DPP6: variants seen among roughly 807,000 people sequenced by gnomAD.
DPP6 encodes the protein A-type potassium channel modulatory protein DPP6.
A neutral mutation model predicts 122.6 loss-of-function variants in DPP6; 69 were observed. The observed-to-expected ratio is 0.56, with a 90% confidence interval of 0.46 to 0.69. DPP6 has a LOEUF of 0.69. Among genes scored for constraint, DPP6 ranks in the 30% least tolerant of loss-of-function variants. The pLI is 0.00. For synonymous variants in DPP6, 418 were observed against 433.1 expected (o/e 0.97, Z 0.43); for missense variants, 928 against 1,116.9 (o/e 0.83, Z 2.41).
chr7:154,043,264 A>G (rs1799853375), intron 1 of DPP6, among the ~76,000 whole-genome samples: 1 of 151,808 alleles, frequency 6.6e-6, no homozygotes, highest in Non-Finnish European at 1.5e-5. Flanking sequence ...CTGGTGGCGC[A>G]TGCCTGTAAT....
chr7:154,557,281 T>G (rs1009391351), intron 4 of DPP6, among the ~76,000 whole-genome samples: 1 of 152,162 alleles, frequency 6.6e-6, no homozygotes, highest in Non-Finnish European at 1.5e-5. Flanking sequence ...GTGGTGAGTT[T>G]CTCAAAGAGA....
Position 154,403,973 on chromosome 7 carries a change from TA to T in DPP6, c.244-42239del, listed in dbSNP as rs1379577625. Among the ~76,000 whole-genome samples the T allele has an allele frequency of 1.3e-5, 2 of 152,248 alleles. No individual in the cohort carries two copies. Among genetic ancestry groups the T allele is most frequent in the Non-Finnish European group, 2.9e-5 (2 of 68,036 alleles). On this transcript the variant is annotated intron_variant, in intron 1 of 25. Coordinates refer to ENST00000377770, the MANE Select transcript of DPP6 (RefSeq NM_130797.4). This position sits in a 1 kb window ranked among gnomAD's most constrained non-coding sequence, Gnocchi z 4.1. ...ACCTTTGTCTTTTGTTGAAAAAAGT[TA>T]ATCTTGTTTTCCAAAGGGCCACAGG...
chr7:154,082,337 C>T (rs919877710), intron 1 of DPP6, among the ~76,000 whole-genome samples: 26 of 152,096 alleles, frequency 1.7e-4, no homozygotes, highest in Admixed American at 3.3e-4. Context: ...TCCATACATC[C>T]TAATTTATAG....
chr7:154,854,136 CAT>C (rs571115918), intron 17 of DPP6, among the ~76,000 whole-genome samples: 257 of 152,332 alleles, frequency 1.7e-3, no homozygotes, highest in African/African-American at 5.8e-3. Flanking sequence ...TGTAGCCTCA[CAT>C]GAGTCCGTCC....
At chr7:154,074,034 T>A (rs1421907337) in intron 1 of DPP6, among the ~76,000 whole-genome samples, 5,522 of 147,542 alleles carry the variant, frequency 0.037, 30 homozygotes, top group African/African-American at 0.12. Flanking sequence ...TATGTATGTA[T>A]GTATGTAAGT....
Position 154,030,379 on chromosome 7 carries a change from GCAC to G in DPP6, c.51+142648_51+142650del, listed in dbSNP as rs1585201837. On this transcript the variant is annotated intron_variant, in intron 1 of 25. Coordinates refer to the DPP6 transcript ENST00000404039. ...AGGAGGCTTCTGTGGGGTGGTGAGG[GCAC>G]CAGGTGTGAGTTGGGACCTGAGACC... 2.6e-5 allele frequency among the ~76,000 whole-genome samples: 4 copies of G among 152,144 alleles called. No homozygotes were observed. In the East Asian group the frequency reaches 7.7e-4, roughly 29 times the overall value.
chr7:154,731,510 A>C (rs1294469139), intron 8 of DPP6, among the ~76,000 whole-genome samples: 1 of 152,254 alleles, frequency 6.6e-6, no homozygotes, highest in African/African-American at 2.4e-5. Context: ...TTACTGAAGC[A>C]GTCGCCCACA....
At chr7:154,686,831 TA>T (rs1233833360) in intron 7 of DPP6, among the ~76,000 whole-genome samples, 3 of 152,182 alleles carry the variant, frequency 2.0e-5, no homozygotes, top group African/African-American at 7.2e-5. Flanking sequence ...TGAAATATTT[TA>T]TGAATAAAGA....
At chr7:154,764,119 T>C (rs1795748982) in intron 8 of DPP6, among the ~76,000 whole-genome samples, 1 of 152,104 alleles carries the variant, frequency 6.6e-6, no homozygotes, top group African/African-American at 2.4e-5. Context: ...TGTTAAAGCA[T>C]TGCTGGGATA....
intron 4 of DPP6, among the ~76,000 whole-genome samples, chr7:154,560,696 A>G (rs943052418): frequency 6.6e-6 from 1 of 152,156 alleles, no homozygotes; most frequent in African/African-American, 2.4e-5. Context: ...CAACCTGGCC[A>G]ACATTGTGAA....
chr7:153,914,442 A>C (rs1800220729), intron 1 of DPP6, among the ~76,000 whole-genome samples: 3 of 152,236 alleles, frequency 2.0e-5, no homozygotes, highest in Non-Finnish European at 4.4e-5. Flanking sequence ...TATGTTTATA[A>C]GAATTTTCTC....
the DPP6 span, among the ~76,000 whole-genome samples, chr7:153,783,486 C>G: frequency 6.6e-6 from 1 of 152,196 alleles, no homozygotes; most frequent in Non-Finnish European, 1.5e-5. Flanking sequence ...GATTACAACT[C>G]AACGTGAGAT....
chr7:154,724,101 C>G (rs1378306393), intron 7 of DPP6, among the ~76,000 whole-genome samples: 1 of 152,114 alleles, frequency 6.6e-6, no homozygotes, highest in African/African-American at 2.4e-5. Flanking sequence ...AATGCTGATG[C>G]CTGGATTCCA....
the DPP6 span, among the ~76,000 whole-genome samples, chr7:153,861,688 C>A: frequency 1.3e-5 from 2 of 152,132 alleles, no homozygotes; most frequent in African/African-American, 2.4e-5. Context: ...ATGAAAATAA[C>A]CACCTAGTCA....
chr7:154,431,937 A>T (rs1818464818), intron 1 of DPP6, among the ~76,000 whole-genome samples: 1 of 152,160 alleles, frequency 6.6e-6, no homozygotes, highest in Non-Finnish European at 1.5e-5. Flanking sequence ...AGCTCCTGGT[A>T]GCCCTGGGCT....
At chr7:154,350,805 C>G (rs1810787574) in intron 1 of DPP6, among the ~76,000 whole-genome samples, 1 of 152,328 alleles carries the variant, frequency 6.6e-6, no homozygotes, top group South Asian at 2.1e-4. Flanking sequence ...GAGGAAACCT[C>G]AAATCCGCCT....
chr7:153,758,437 A>G, the DPP6 span, among the ~76,000 whole-genome samples: 10 of 151,774 alleles, frequency 6.6e-5, no homozygotes, highest in African/African-American at 2.4e-4. Context: ...CATACCCGTG[A>G]AAACGCCACG....
At chr7:154,689,820 T>C (rs1321172124) in intron 7 of DPP6, among the ~76,000 whole-genome samples, 1 of 152,248 alleles carries the variant, frequency 6.6e-6, no homozygotes, top group African/African-American at 2.4e-5. Context: ...AGCTGGAATA[T>C]GATGACAATG....
intron 5 of DPP6, among the ~76,000 whole-genome samples, chr7:154,621,737 T>A (rs1586751165): frequency 6.6e-6 from 1 of 152,296 alleles, no homozygotes. Context: ...GGTCTTCCCA[T>A]GCCCTTCTCT....
Sources: gnomAD v4.1 joint callset for allele counts (sites outside exome capture counted in the v4.1 genomes callset) on GRCh38, gnomAD v4.1.1 for gene constraint, Gnocchi (gnomAD v3.1) non-coding constraint, MANE v1.5 for transcripts, NCBI Gene and HGNC (gene_info 2026-07-23, HGNC 2026-07-21) for gene names.